DOK6: variants seen among roughly 807,000 people sequenced by gnomAD.
DOK6 encodes the protein downstream of tyrosine kinase 6.
Under a neutral mutation model 44.0 loss-of-function variants are expected in DOK6, and 22 were observed. That is an observed-to-expected ratio of 0.50 (90% confidence interval 0.36 to 0.71). DOK6 has a LOEUF of 0.71. Among genes scored for constraint, DOK6 ranks in the 30% least tolerant of loss-of-function variants. The pLI is 0.00. For missense variants in DOK6, 340 were observed against 416.4 expected, an observed-to-expected ratio of 0.82 and a Z score of 1.60; for synonymous variants, 166 against 145.5, an observed-to-expected ratio of 1.14 and a Z score of -1.01.
intron 4 of DOK6, among the ~76,000 whole-genome samples, chr18:69,689,518 A>G (rs2144694990): frequency 6.6e-6 from 1 of 152,312 alleles, no homozygotes; most frequent in East Asian, 1.9e-4. Flanking sequence ...AATCTGGCAA[A>G]AGACACTTAT....
intron 5 of DOK6, among the ~76,000 whole-genome samples, chr18:69,727,886 A>C (rs1978318382): frequency 6.6e-6 from 1 of 152,188 alleles, no homozygotes; most frequent in South Asian, 2.1e-4. Flanking sequence ...TTGGTGTGAT[A>C]CTATTTTCTG....
At chr18:69,604,618 A>C (rs888664870) in intron 3 of DOK6, among the ~76,000 whole-genome samples, 1 of 152,192 alleles carries the variant, frequency 6.6e-6, no homozygotes, top group Non-Finnish European at 1.5e-5. Flanking sequence ...TTGAGAAATA[A>C]AGGCAAGATT....
chr18:69,560,247 A>G (rs1982795421), intron 1 of DOK6, among the ~76,000 whole-genome samples: 1 of 152,164 alleles, frequency 6.6e-6, no homozygotes, highest in African/African-American at 2.4e-5. Context: ...TGTTGTGACT[A>G]AAAAACTGTT....
rs773916288 is a variant in DOK6, at chr18:69,542,462, A to C, written c.67-22025A>C. Among the ~76,000 whole-genome samples the C allele has an allele frequency of 1.3e-4, 20 of 151,478 alleles. 2 individuals carry two copies. The highest frequency in any genetic ancestry group is 2.7e-4 in the Non-Finnish European group (18 of 67,724). ...GCTACCCTATGAAAGTGATGACCAA[A>C]ATGTTGACCCAAGAGAAAAAGATAA... On this transcript the variant is annotated intron_variant, in intron 1 of 7. Coordinates refer to ENST00000382713, the MANE Select transcript of DOK6 (RefSeq NM_152721.6).
At chr18:69,532,204 A>G (rs539880494) in intron 1 of DOK6, among the ~76,000 whole-genome samples, 1 of 152,246 alleles carries the variant, frequency 6.6e-6, no homozygotes, top group African/African-American at 2.4e-5. Flanking sequence ...CGGCAGCCTG[A>G]GCTAAGATAT....
intron 7 of DOK6, among the ~76,000 whole-genome samples, chr18:69,828,884 G>GTGTATATATA (rs1555673465): frequency 1.7e-4 from 15 of 90,156 alleles, no homozygotes; most frequent in East Asian, 8.1e-4. Context: ...ACATTTATGT[G>GTGTATATATA]TATATATATA....
At position 69,611,949 on chromosome 18, in the gene DOK6, T is replaced by TACACACACAC. The variant is rs56185499; in HGVS notation, c.289+12460_289+12469dup. Among the ~76,000 whole-genome samples the TACACACACAC allele has an allele frequency of 1.9e-3, 284 of 150,188 alleles. 1 individual carries two copies. The highest frequency in any genetic ancestry group is 5.8e-3 in the African/African-American group (238 of 40,746). On this transcript the variant is annotated intron_variant, in intron 3 of 7. Transcript: ENST00000382713. ...CACAAGTGATTAATTATATAAAACT[T>TACACACACAC]ACACACACACACACACACGTATAAG... is the stretch of plus-strand genomic sequence containing the variant.
intron 1 of DOK6, among the ~76,000 whole-genome samples, chr18:69,473,034 T>G (rs1262566349): frequency 6.6e-6 from 1 of 152,222 alleles, no homozygotes; most frequent in Non-Finnish European, 1.5e-5. Flanking sequence ...AAAAACATAT[T>G]TTATGTTTAG....
chr18:69,601,398 G>T (rs765231618), intron 3 of DOK6, among the ~76,000 whole-genome samples: 1 of 152,046 alleles, frequency 6.6e-6, no homozygotes, highest in African/African-American at 2.4e-5. Context: ...ATAATATATC[G>T]ATATTGATCT....
intron 3 of DOK6, among the ~76,000 whole-genome samples, chr18:69,624,872 A>T (rs554932410): frequency 1.6e-4 from 24 of 152,280 alleles, no homozygotes; most frequent in African/African-American, 5.3e-4. Context: ...AACCTATTAA[A>T]CATCGTCTTT....
intron 3 of DOK6, among the ~76,000 whole-genome samples, chr18:69,645,463 A>G (rs766222493): frequency 4.6e-5 from 7 of 152,216 alleles, no homozygotes; most frequent in Non-Finnish European, 8.8e-5. Flanking sequence ...AAGATGACAA[A>G]GTTGGGACCA....
intron 2 of DOK6, among the ~76,000 whole-genome samples, chr18:69,585,858 C>G (rs1174992317): frequency 1.3e-5 from 2 of 152,192 alleles, no homozygotes; most frequent in African/African-American, 4.8e-5. Context: ...CCACTTAGAA[C>G]CCAGCTTGTG....
intron 7 of DOK6, among the ~76,000 whole-genome samples, chr18:69,834,303 C>G (rs1275731808): frequency 6.6e-6 from 1 of 152,114 alleles, no homozygotes; most frequent in Non-Finnish European, 1.5e-5. Flanking sequence ...CACGTTCTCA[C>G]TCATATGTGA....
intron 3 of DOK6, among the ~76,000 whole-genome samples, chr18:69,607,537 A>G (rs1984031956): frequency 6.6e-6 from 1 of 152,150 alleles, no homozygotes; most frequent in Non-Finnish European, 1.5e-5. Context: ...TCCAAAACAC[A>G]ATATTAAAAT....
At chr18:69,793,333 G>C (rs1434269829) in intron 7 of DOK6, among the ~76,000 whole-genome samples, 3 of 152,110 alleles carry the variant, frequency 2.0e-5, no homozygotes, top group African/African-American at 7.2e-5. Context: ...GGCATATACT[G>C]TTTTTACCTA....
chr18:69,655,761 C>CAAAAAA (rs74175379), intron 3 of DOK6, among the ~76,000 whole-genome samples: 56 of 43,136 alleles, frequency 1.3e-3, no homozygotes, highest in African/African-American at 2.9e-3. Context: ...CCCCACCCCT[C>CAAAAAA]AAAAAAAAAA....
At chr18:69,716,571 G>A (rs1986886405) in intron 5 of DOK6, among the ~76,000 whole-genome samples, 1 of 151,336 alleles carries the variant, frequency 6.6e-6, no homozygotes, top group Non-Finnish European at 1.5e-5. Context: ...CTTTTCCTGT[G>A]CTAATCTGCC....
chr18:69,528,161 T>TC (rs71176977), intron 1 of DOK6, among the ~76,000 whole-genome samples: 23,333 of 93,514 alleles, frequency 0.25, 2,016 homozygotes, highest in Middle Eastern at 0.43. Flanking sequence ...AGACTCTGTC[T>TC]CAAAAAAAAA....
chr18:69,427,795 G>C (rs1442666722), intron 1 of DOK6, among the ~76,000 whole-genome samples: 4 of 121,964 alleles, frequency 3.3e-5, no homozygotes, highest in Non-Finnish European at 6.9e-5. Flanking sequence ...TTTTTTTTTT[G>C]AGATGGAATT....
Sources: allele counts gnomAD v4.1 joint callset (sites outside exome capture counted in the v4.1 genomes callset), GRCh38; gene constraint gnomAD v4.1.1; transcripts MANE v1.5; gene names NCBI Gene and HGNC (gene_info 2026-07-23, HGNC 2026-07-21).